Variants in COL5A1 observed in about 807,000 individuals in gnomAD.
COL5A1 encodes the protein collagen type V alpha 1 chain.
COL5A1 carries 16 observed loss-of-function variants against 263.7 expected under a neutral mutation model. That is an observed-to-expected ratio of 0.06 (90% CI 0.04 to 0.09). The LOEUF is 0.09. Ranked by LOEUF, COL5A1 falls within the 10% of genes least tolerant of loss-of-function variation. The pLI, the probability that COL5A1 is intolerant of heterozygous loss-of-function variation, is 1.00. For missense variants in COL5A1, 2,036 were observed against 2,540.5 expected, an observed-to-expected ratio of 0.80 and a Z score of 4.27; for synonymous variants, 1,012 against 1,004.5, an observed-to-expected ratio of 1.01 and a Z score of -0.14.
At position 134,821,553 on chromosome 9, in the gene COL5A1, G is replaced by A. The variant is rs1224846072; in HGVS notation, c.4555-544G>A. Among the ~76,000 whole-genome samples the A allele has an allele frequency of 6.6e-6, 1 of 152,222 alleles. No homozygotes were observed. The highest frequency in any genetic ancestry group is 2.4e-5 in the African/African-American group (1 of 41,460). On this transcript the variant is annotated intron_variant, in intron 58 of 65. Transcript: ENST00000371817. This position sits in a 1 kb window ranked among gnomAD's most constrained non-coding sequence, Gnocchi z 4.2. ...AGCTGGTCAAAGCTGTTCTGTGCCAGCAGCTCAGTCTGGGAGGGAGTCAGT... is the reference window on the plus strand; with the variant it reads ...AGCTGGTCAAAGCTGTTCTGTGCCAACAGCTCAGTCTGGGAGGGAGTCAGT...
rs777376620 is a variant in COL5A1 at position 134,690,993 on chromosome 9, C to T, written c.191C>T (p.Thr64Met). The T allele has an allele frequency of 3.1e-5, 50 of 1,613,750 alleles. 1 individual carries two copies. The highest frequency in any genetic ancestry group is 2.6e-4 in the South Asian group (24 of 91,096). ...ACAAAGACAACAGGCTTTTGCGCCACGCGGCGATCTTCCAAAGGCCCGGAT... is the reference window on the plus strand; with the variant it reads ...ACAAAGACAACAGGCTTTTGCGCCATGCGGCGATCTTCCAAAGGCCCGGAT... Reference protein sequence around the residue: ...GITKTTGFCATRRSSKGPDVA... With the variant: ...GITKTTGFCAMRRSSKGPDVA... Residue 64 changes from threonine (T) to methionine (M), a missense_variant, in exon 2 of 66, where the codon ACG becomes ATG. Transcript: ENST00000371817.
At chr9:134,705,617 G>T (rs921984475) in intron 4 of COL5A1, among the ~76,000 whole-genome samples, 14 of 152,220 alleles carry the variant, frequency 9.2e-5, no homozygotes, top group African/African-American at 3.4e-4. Context: ...CGGATTTTGG[G>T]TTGGTGAGAT....
At chr9:134,747,569 T>A (rs1300226964) in intron 11 of COL5A1, among the ~76,000 whole-genome samples, 1 of 151,260 alleles carries the variant, frequency 6.6e-6, no homozygotes, top group Admixed American at 6.6e-5. Flanking sequence ...ATACATGTAT[T>A]CACACACATG....
chr9:134,839,042 G>A (rs774991129), intron 65 of COL5A1, among the ~76,000 whole-genome samples: 3 of 152,350 alleles, frequency 2.0e-5, no homozygotes, highest in East Asian at 3.9e-4. Context: ...CTGATGCCCC[G>A]AACTCGGGCC....
rs115375896 is a variant in COL5A1 at position 134,668,221 on chromosome 9, T to G, written c.110-22691T>G. On this transcript the variant is annotated intron_variant, in intron 1 of 65. Transcript: ENST00000371817. ...ACATTGGCCATTTCACATGGTTCAA[T>G]CTAATGCTATAAGAATAAACACATA... 4.8e-3 allele frequency among the ~76,000 whole-genome samples: 738 copies of G among 152,334 alleles called. 7 individuals are homozygous for G. Among genetic ancestry groups the G allele is most frequent in the African/African-American group, 0.017 (697 of 41,578 alleles).
chr9:134,670,773 T>C (rs900498922), intron 1 of COL5A1, among the ~76,000 whole-genome samples: 5 of 152,228 alleles, frequency 3.3e-5, no homozygotes, highest in Non-Finnish European at 5.9e-5. Context: ...TAGATGCTCA[T>C]TACTTTCCCC....
chr9:134,695,991 C>A (rs1235571092), intron 2 of COL5A1, among the ~76,000 whole-genome samples: 2 of 152,122 alleles, frequency 1.3e-5, no homozygotes, highest in East Asian at 1.9e-4. Flanking sequence ...TGGGCCTCTG[C>A]CCTGGGCCTG....
chr9:134,812,838 G>A (rs1339198320), intron 48 of COL5A1, 126 bp downstream of exon 48: 13 of 740,880 alleles, frequency 1.8e-5, no homozygotes, highest in South Asian at 4.5e-5. Context: ...GTGCATACAC[G>A]TGTGTGTACC....
rs367657505 is a variant in COL5A1, at chr9:134,842,255, G to A, written c.5469G>A (p.Ala1823=). The change falls in exon 66 of 66, where the codon GCG becomes GCA. Residue 1823 remains alanine, a synonymous_variant. Coordinates refer to ENST00000371817, the MANE Select transcript of COL5A1 (RefSeq NM_000093.5). The surrounding 1 kb of genome is among the most constrained non-coding windows in gnomAD (Gnocchi z 5.8). ...TCATGTTCAATGACTTCGGTGAAGCGTCACAGAAATTTGGATTTGAAGTGG... is the reference window on the plus strand; with the variant it reads ...TCATGTTCAATGACTTCGGTGAAGCATCACAGAAATTTGGATTTGAAGTGG... ...VDIMFNDFGE[A]SQKFGFEVGP... is the part of the protein sequence containing the mutation. 1.1e-5 allele frequency: 17 copies of A among 1,614,196 alleles called. No individual in the cohort carries two copies. The highest frequency in any genetic ancestry group is 6.7e-5 in the East Asian group (3 of 44,876).
Position 134,678,915 on chromosome 9 carries a change from G to A in COL5A1, c.110-11997G>A, listed in dbSNP as rs1002212722. 2.6e-5 allele frequency among the ~76,000 whole-genome samples: 4 copies of A among 152,200 alleles called. No homozygotes were observed. Among genetic ancestry groups the A allele is most frequent in the African/African-American group, 7.2e-5 (3 of 41,464 alleles). The stretch of plus-strand genomic sequence containing the variant: ...TGTTACCCCCTGCTGGGGGGCAGGC[G>A]TTAGATCTGTGCAGGGTGAGGCTCC... On this transcript the variant is annotated intron_variant, in intron 1 of 65. Transcript: ENST00000371817. The surrounding 1 kb of genome is among the most constrained non-coding windows in gnomAD (Gnocchi z 5.5).
intron 42 of COL5A1, among the ~76,000 whole-genome samples, chr9:134,808,042 A>G (rs1352566221): frequency 6.6e-6 from 1 of 152,230 alleles, no homozygotes; most frequent in Non-Finnish European, 1.5e-5. Context: ...GGAAGCTTCC[A>G]CAAAAGCCCC....
In COL5A1 at chr9:134,835,001, G is replaced by A. The variant is rs1487625448; in HGVS notation, c.5167G>A (p.Val1723Met). Residue 1723 changes from valine (V) to methionine (M), a missense_variant, in exon 65 of 66, where the codon GTG (valine) becomes ATG (methionine). Val to Met is a conservative substitution (Grantham distance 21). Coordinates refer to ENST00000371817, the MANE Select transcript of COL5A1 (RefSeq NM_000093.5). ...LSYVDAEGNP[V>M]GVVQMTFLRL... ...CTATGTGGACGCCGAGGGCAACCCTGTGGGTGTGGTACAGATGACCTTCCT... is the reference window on the plus strand; with the variant it reads ...CTATGTGGACGCCGAGGGCAACCCTATGGGTGTGGTACAGATGACCTTCCT... 6.2e-7 allele frequency: 1 copy of A among 1,613,762 alleles called. No individual in the cohort carries two copies. The highest frequency in any genetic ancestry group is 2.2e-5 in the East Asian group (1 of 44,878).
At chr9:134,796,817 T>C in intron 35 of COL5A1, 31 bp from the exon 36 acceptor site, 1 of 1,610,588 alleles carries the variant, frequency 6.2e-7, no homozygotes, top group Non-Finnish European at 8.5e-7. Context: ...AGAGACCTCT[T>C]GTCCTCAAAC....
At chr9:134,830,276 C>G in intron 64 of COL5A1, 6 of 1,254,990 alleles carry the variant, frequency 4.8e-6, no homozygotes, top group Non-Finnish European at 6.8e-6. Flanking sequence ...GTGTGCCACA[C>G]CGCTCTTGCC....
intron 30 of COL5A1, 131 bp downstream of exon 30, chr9:134,785,227 C>T (rs958892256): frequency 1.5e-6 from 1 of 672,274 alleles, no homozygotes; most frequent in African/African-American, 1.8e-5. Flanking sequence ...GGGCTCCTGT[C>T]TCCACCCTGG....
At chr9:134,779,200 T>G (rs1837165859) in intron 27 of COL5A1, among the ~76,000 whole-genome samples, 1 of 152,224 alleles carries the variant, frequency 6.6e-6, no homozygotes, top group Non-Finnish European at 1.5e-5. Flanking sequence ...GCAGGTGGCC[T>G]GAGGTAGCCC....
chr9:134,670,692 G>A (rs1163473063), intron 1 of COL5A1, among the ~76,000 whole-genome samples: 1 of 152,176 alleles, frequency 6.6e-6, no homozygotes, highest in African/African-American at 2.4e-5. Context: ...CATGCATGTA[G>A]AGCTTTAGAC....
chr9:134,710,664 C>T (rs549538723), intron 4 of COL5A1, among the ~76,000 whole-genome samples: 3 of 120,952 alleles, frequency 2.5e-5, no homozygotes, highest in Non-Finnish European at 3.4e-5. Flanking sequence ...GAGGAGCCCC[C>T]GTCTGTTGGG....
intron 2 of COL5A1, among the ~76,000 whole-genome samples, chr9:134,697,394 C>T (rs563377672): frequency 2.0e-5 from 3 of 152,180 alleles, no homozygotes; most frequent in African/African-American, 4.8e-5. Context: ...TAATGAGCTG[C>T]GGAGATGGGG....
Sources: gnomAD v4.1 joint callset for allele counts (sites outside exome capture counted in the v4.1 genomes callset) on GRCh38, gnomAD v4.1.1 for gene constraint, Gnocchi (gnomAD v3.1) non-coding constraint, MANE v1.5 for transcripts, NCBI Gene and HGNC (gene_info 2026-07-23, HGNC 2026-07-21) for gene names.